The following C2CD5 variants were observed in gnomAD, a reference collection of about 807,000 sequenced individuals.
The protein encoded by C2CD5 is C2 domain-containing protein 5.
Under a neutral mutation model 130.3 loss-of-function variants are expected in C2CD5, and 109 were observed. The ratio of observed to expected loss-of-function variants is 0.84; its 90% confidence interval spans 0.72 to 0.98. The LOEUF is 0.98. Among genes scored for constraint, C2CD5 ranks in the 50% least tolerant of loss-of-function variants. The probability of loss-of-function intolerance (pLI) is 0.00; values close to 1 mark genes in which losing one functional copy is unlikely to be tolerated. For synonymous variants in C2CD5, 454 were observed against 429.2 expected (o/e 1.06, Z -0.71); for missense variants, 996 against 1,261.8 (o/e 0.79, Z 3.19).
chr12:22,535,459 A>C (rs1452998252), intron 2 of C2CD5, 115 bp from the exon 3 acceptor site: 1 of 634,220 alleles, frequency 1.6e-6, no homozygotes, highest in Non-Finnish European at 2.9e-6. Flanking sequence ...AAAGACTATT[A>C]TCCTCTGGGA....
intron 14 of C2CD5, among the ~76,000 whole-genome samples, chr12:22,480,241 C>A (rs1281208196): frequency 6.6e-6 from 1 of 152,210 alleles, no homozygotes; most frequent in African/African-American, 2.4e-5. Flanking sequence ...GATTTGAAAT[C>A]CATTTCTAAC....
intron 7 of C2CD5, chr12:22,519,074 G>C (rs1323870790): frequency 1.3e-6 from 2 of 1,518,120 alleles, no homozygotes; most frequent in South Asian, 1.2e-5. Context: ...TCTGCCCGTG[G>C]CCTGCATCTC....
chr12:22,528,550 AAT>A (rs1477797857), intron 3 of C2CD5, among the ~76,000 whole-genome samples: 3 of 152,164 alleles, frequency 2.0e-5, no homozygotes, highest in African/African-American at 7.2e-5. Flanking sequence ...GCCATTATCT[AAT>A]TTACCAGTCC....
chr12:22,474,224 G>C (rs1278945297), intron 16 of C2CD5, among the ~76,000 whole-genome samples: 2 of 152,140 alleles, frequency 1.3e-5, no homozygotes, highest in Non-Finnish European at 2.9e-5. Flanking sequence ...AGAGGAAGCA[G>C]ATCTGTGAGG....
intron 22 of C2CD5, among the ~76,000 whole-genome samples, chr12:22,462,434 C>T (rs1419720964): frequency 2.6e-5 from 4 of 152,124 alleles, no homozygotes; most frequent in African/African-American, 9.7e-5. Context: ...TAAGTGATAA[C>T]CCTGCAAGCC....
In C2CD5 at chr12:22,484,879, T is replaced by C; in HGVS notation, c.1368A>G (p.Glu456=). ...AAAATCCACAACGTGTAGGCAAATT[T>C]TCTTCAAGCCTATATAAATAAATAA... ...VEGCLEQRLE[E]NLPTRCGFCH... Residue 456 remains glutamate (E), a synonymous_variant, in exon 13 of 27, where the codon GAA becomes GAG. Coordinates refer to ENST00000446597, the MANE Select transcript of C2CD5 (RefSeq NM_001286176.2). 1 of 1,523,482 alleles carries C rather than the reference T, an allele frequency of 6.6e-7. No individual in the cohort carries two copies. Among genetic ancestry groups the C allele is most frequent in the Non-Finnish European group, 8.9e-7 (1 of 1,129,512 alleles). 94.4% of individuals were successfully genotyped at this position (1,523,482 alleles called of 1,614,324 possible).
intron 2 of C2CD5, among the ~76,000 whole-genome samples, chr12:22,540,110 A>AT (rs1952216404): frequency 6.6e-6 from 1 of 152,192 alleles, no homozygotes; most frequent in Admixed American, 6.5e-5. Context: ...CATCATGTAA[A>AT]TCAAGAGGCA....
intron 10 of C2CD5, among the ~76,000 whole-genome samples, chr12:22,505,527 A>C (rs567825185): frequency 6.6e-6 from 1 of 152,284 alleles, no homozygotes; most frequent in South Asian, 2.1e-4. Flanking sequence ...TGGATGTGAC[A>C]ATTTAAAATT....
At chr12:22,535,199 G>A (rs1951707014) in intron 3 of C2CD5, 59 bp downstream of exon 3, 2 of 886,484 alleles carry the variant, frequency 2.3e-6, no homozygotes, top group South Asian at 1.4e-5. Context: ...CATTATTCCT[G>A]AGGGAAAAGA....
intron 10 of C2CD5, 61 bp from the exon 11 acceptor site, chr12:22,493,398 A>C: frequency 1.2e-6 from 1 of 825,208 alleles, no homozygotes; most frequent in Non-Finnish European, 2.0e-6. Context: ...ATGAACATGA[A>C]ATGTTTAAAA....
At position 22,524,593 on chromosome 12, in the gene C2CD5, T is replaced by C. The variant is rs780916334; in HGVS notation, c.480A>G (p.Ile160Met). ...TSIPKCYRAVIIHGFVEELVV... is the reference protein window; with the variant it reads ...TSIPKCYRAVMIHGFVEELVV... Reference sequence around the variant, plus strand: ...CAAGTTCTTCTACAAATCCATGAATTATCACAGCTCTATAGCATTTTGGAA... The same window carrying C: ...CAAGTTCTTCTACAAATCCATGAATCATCACAGCTCTATAGCATTTTGGAA... Residue 160 changes from isoleucine (I) to methionine (M), a missense_variant, in exon 6 of 27, where the codon ATA (isoleucine) becomes ATG (methionine). Ile to Met is a conservative substitution (Grantham distance 10). Around this residue, in one of 9 missense-constraint regions of C2CD5, gnomAD observed 49 missense variants for 52.0 expected, o/e 0.94. Transcript: ENST00000446597. The C allele has an allele frequency of 6.8e-6, 11 of 1,613,242 alleles. No individual in the cohort carries two copies. Among genetic ancestry groups the C allele is most frequent in the Non-Finnish European group, 8.5e-6 (10 of 1,179,216 alleles).
rs1326192027 is a variant in C2CD5 at position 22,474,683 on chromosome 12, T to C, written c.2043+68A>G. 1.4e-5 allele frequency: 16 copies of C among 1,141,992 alleles called. No homozygotes were observed. The East Asian group carries it at 3.5e-4, about 25-fold the overall frequency. The allele number at this position is 1,141,992 out of a possible 1,614,324, so 70.7% of individuals were successfully genotyped here. A position where few individuals can be genotyped will look rare whatever the true frequency, so the allele number is the denominator to read the frequency against. On this transcript the variant is annotated intron_variant, in intron 16 of 26. Coordinates refer to ENST00000446597, the MANE Select transcript of C2CD5 (RefSeq NM_001286176.2). The stretch of plus-strand genomic sequence containing the variant: ...AATGATATAAAAGTATCATATTAAT[T>C]TAGCACGTGAAAAAATGTGTATCTT...
chr12:22,523,732 A>AT, intron 6 of C2CD5, 108 bp from the exon 7 acceptor site: 1 of 811,452 alleles, frequency 1.2e-6, no homozygotes, highest in Admixed American at 2.6e-5. Context: ...AAAATCACAG[A>AT]TTTTCAGAAC....
chr12:22,541,867 AC>A (rs1454390635), intron 2 of C2CD5, among the ~76,000 whole-genome samples: 2 of 152,216 alleles, frequency 1.3e-5, no homozygotes, highest in Non-Finnish European at 2.9e-5. Flanking sequence ...AAGAGAAGGA[AC>A]CAAGTCTGTC....
chr12:22,516,711 C>T (rs1337058659), intron 8 of C2CD5, among the ~76,000 whole-genome samples: 1 of 151,344 alleles, frequency 6.6e-6, no homozygotes, highest in East Asian at 1.9e-4. Context: ...ACCAAAGTCT[C>T]AAAAATATTT....
At chr12:22,485,544 TAGTA>T (rs1334045595) in intron 12 of C2CD5, among the ~76,000 whole-genome samples, 1 of 151,816 alleles carries the variant, frequency 6.6e-6, no homozygotes, top group Non-Finnish European at 1.5e-5. Context: ...AAAAGAAAAA[TAGTA>T]AGTCAAAAAC....
At chr12:22,472,185 A>G (rs927020200) in intron 18 of C2CD5, 101 bp downstream of exon 18, 2 of 860,682 alleles carry the variant, frequency 2.3e-6, no homozygotes, top group Non-Finnish European at 3.7e-6. Flanking sequence ...ATGGTATTTT[A>G]ATTGCAATAA....
intron 10 of C2CD5, 53 bp from the exon 11 acceptor site, chr12:22,493,390 G>T: frequency 3.3e-6 from 3 of 906,340 alleles, no homozygotes; most frequent in South Asian, 3.1e-5. Flanking sequence ...TTATATATAT[G>T]AACATGAAAT....
At position 22,475,578 on chromosome 12, in the gene C2CD5, C is replaced by T. The variant is rs187826018; in HGVS notation, c.1903-687G>A. 4.1e-4 allele frequency among the ~76,000 whole-genome samples: 63 copies of T among 152,130 alleles called. 1 individual carries two copies. Among genetic ancestry groups the T allele is most frequent in the Middle Eastern group, 3.4e-3 (1 of 294 alleles). ...TGCTGGAAGAATATGAATACGTGAA[C>T]GCAAAAGCAAAAGCCATAGCCTATT... On this transcript the variant is annotated intron_variant, in intron 15 of 26. Transcript: ENST00000446597.
Sources: gnomAD v4.1 joint callset for allele counts (sites outside exome capture counted in the v4.1 genomes callset) on GRCh38, gnomAD v4.1.1 for gene constraint, gnomAD v4.1.1 regional missense constraint, MANE v1.5 for transcripts, NCBI Gene and HGNC (gene_info 2026-07-23, HGNC 2026-07-21) for gene names.